OSBPL10: variants seen among roughly 807,000 people sequenced by gnomAD.
The protein encoded by OSBPL10 is oxysterol-binding protein-related protein 10.
Under a neutral mutation model 81.7 loss-of-function variants are expected in OSBPL10, and 49 were observed. The ratio of observed to expected loss-of-function variants is 0.60; its 90% CI spans 0.48 to 0.76. The LOEUF is 0.76. Among genes scored for constraint, OSBPL10 ranks in the 30% least tolerant of loss-of-function variants. The pLI, the probability that OSBPL10 is intolerant of heterozygous loss-of-function variation, is 0.00. For synonymous variants in OSBPL10, 419 were observed against 383.6 expected (o/e 1.09, Z -1.08); for missense variants, 923 against 987.8 (o/e 0.93, Z 0.88).
At chr3:31,776,064 T>C (rs1402292595) in intron 4 of OSBPL10, among the ~76,000 whole-genome samples, 3 of 152,132 alleles carry the variant, frequency 2.0e-5, no homozygotes, top group Non-Finnish European at 4.4e-5. Flanking sequence ...CTGGGTTTCC[T>C]GTGATGGCTG....
intron 4 of OSBPL10, among the ~76,000 whole-genome samples, chr3:31,809,644 C>T (rs746111458): frequency 3.3e-5 from 5 of 152,182 alleles, no homozygotes; most frequent in Admixed American, 6.5e-5. Context: ...GCTGTGCTGG[C>T]CTTACCAGAC....
chr3:31,822,131 G>T lies in OSBPL10; in HGVS notation c.729+7909C>A, dbSNP rs1057098132. On this transcript the variant is annotated intron_variant, in intron 4 of 11. Coordinates refer to ENST00000396556, the MANE Select transcript of OSBPL10 (RefSeq NM_017784.5). ...AACACACATCTCCCTCCACATATCA[G>T]ACTCTGTAAAAGGTTTATTTAAAAT... The T allele has an allele frequency of 3.9e-5, 6 of 152,316 alleles. No individual in the cohort carries two copies. The East Asian group carries it at 1.2e-3, about 29-fold the overall frequency. The allele number at this position is 152,316 out of a possible 1,614,324, so 9.4% of individuals were successfully genotyped here.
At chr3:31,921,326 A>G (rs1696906533) in intron 1 of OSBPL10, among the ~76,000 whole-genome samples, 1 of 152,128 alleles carries the variant, frequency 6.6e-6, no homozygotes, top group South Asian at 2.1e-4. Context: ...GGTTTGTAAT[A>G]CCATTCTCCA....
intron 6 of OSBPL10, among the ~76,000 whole-genome samples, chr3:31,715,335 T>C (rs1696398720): frequency 6.6e-6 from 1 of 152,244 alleles, no homozygotes; most frequent in African/African-American, 2.4e-5. Context: ...AGTGGTGCTC[T>C]AACTTTTGAT....
chr3:32,012,705 G>A (rs1227558068), intron 2 of OSBPL10, among the ~76,000 whole-genome samples: 11 of 151,992 alleles, frequency 7.2e-5, no homozygotes, highest in Non-Finnish European at 1.3e-4. Context: ...CCTATCTCAC[G>A]TGCAGAGACA....
At chr3:31,994,708 G>A (rs1337694566) in intron 2 of OSBPL10, among the ~76,000 whole-genome samples, 1 of 152,148 alleles carries the variant, frequency 6.6e-6, no homozygotes, top group East Asian at 1.9e-4. Context: ...AAAGTGTACT[G>A]CAAACACCAG....
intron 4 of OSBPL10, among the ~76,000 whole-genome samples, chr3:31,785,874 G>A (rs566404320): frequency 1.3e-5 from 2 of 152,156 alleles, no homozygotes; most frequent in African/African-American, 2.4e-5. Flanking sequence ...TTAGGATTCT[G>A]GGAGACTCAA....
chr3:32,027,752 C>T (rs1455011729), intron 2 of OSBPL10, among the ~76,000 whole-genome samples: 1 of 152,214 alleles, frequency 6.6e-6, no homozygotes, highest in African/African-American at 2.4e-5. Flanking sequence ...CCCAAGTCCC[C>T]AGAGTAACTG....
intron 2 of OSBPL10, among the ~76,000 whole-genome samples, chr3:31,999,790 TG>T (rs1408717230): frequency 1.3e-5 from 2 of 152,164 alleles, no homozygotes; most frequent in African/African-American, 4.8e-5. Flanking sequence ...CCCGGTGAAA[TG>T]AGACCTAGAG....
intron 4 of OSBPL10, among the ~76,000 whole-genome samples, chr3:31,797,120 G>C (rs960857972): frequency 1.3e-5 from 2 of 149,146 alleles, no homozygotes; most frequent in Non-Finnish European, 3.0e-5. Context: ...TCAGCCTCTC[G>C]AGTAGCTGGG....
At chr3:31,937,430 A>C (rs1697407888) in intron 1 of OSBPL10, among the ~76,000 whole-genome samples, 1 of 152,206 alleles carries the variant, frequency 6.6e-6, no homozygotes, top group Admixed American at 6.5e-5. Flanking sequence ...ACTTGCCTCA[A>C]GGCAGAAATT....
At position 31,679,580 on chromosome 3, in the gene OSBPL10, A is replaced by G. The variant is rs566826312; in HGVS notation, c.1726+4054T>C. 2.6e-5 allele frequency among the ~76,000 whole-genome samples: 4 copies of G among 152,358 alleles called. No homozygotes were observed. In the South Asian group the frequency reaches 8.3e-4, roughly 32 times the overall value. ...GAAAATGTGTAAGGAATTATCTCGC[A>G]TATGGGGCATAAATACAAAGTGTGA... On this transcript the variant is annotated intron_variant, in intron 8 of 11. Transcript: ENST00000396556.
At chr3:31,696,189 T>C (rs1559420271) in intron 7 of OSBPL10, among the ~76,000 whole-genome samples, 2 of 152,160 alleles carry the variant, frequency 1.3e-5, no homozygotes, top group Non-Finnish European at 2.9e-5. Context: ...CATTATGCTA[T>C]CTCTGGCCAA....
At chr3:31,935,868 G>A (rs1036400749) in intron 1 of OSBPL10, among the ~76,000 whole-genome samples, 2 of 152,096 alleles carry the variant, frequency 1.3e-5, no homozygotes, top group South Asian at 2.1e-4. Flanking sequence ...AATAGGTTGC[G>A]TTTAAGCAAG....
intron 4 of OSBPL10, among the ~76,000 whole-genome samples, chr3:31,819,538 C>T (rs945303534): frequency 2.6e-5 from 4 of 152,154 alleles, no homozygotes; most frequent in Non-Finnish European, 5.9e-5. Flanking sequence ...ACTGCACAGG[C>T]CAGGGGCCAC....
intron 8 of OSBPL10, among the ~76,000 whole-genome samples, chr3:31,680,178 C>T (rs985872702): frequency 6.6e-6 from 1 of 152,168 alleles, no homozygotes; most frequent in Non-Finnish European, 1.5e-5. Flanking sequence ...TCTAGCCCTG[C>T]CCCCACAGAA....
intron 3 of OSBPL10, among the ~76,000 whole-genome samples, chr3:31,837,221 C>T (rs952735656): frequency 6.6e-6 from 1 of 151,262 alleles, no homozygotes; most frequent in African/African-American, 2.4e-5. Flanking sequence ...TTTCTTCTTA[C>T]CCAAAACTTC....
At chr3:32,027,961 A>C (rs1191264237) in intron 2 of OSBPL10, among the ~76,000 whole-genome samples, 3 of 152,206 alleles carry the variant, frequency 2.0e-5, no homozygotes, top group Admixed American at 6.5e-5. Flanking sequence ...TCTCCAATAC[A>C]TTCACTGCCT....
At chr3:31,989,088 T>A (rs755850446) in intron 2 of OSBPL10, 2 of 1,612,462 alleles carry the variant, frequency 1.2e-6, no homozygotes, top group African/African-American at 2.7e-5. Flanking sequence ...TCATGTTACG[T>A]GAGGAAGCAG....
Sources: allele counts gnomAD v4.1 joint callset (sites outside exome capture counted in the v4.1 genomes callset), GRCh38; gene constraint gnomAD v4.1.1; transcripts MANE v1.5; gene names NCBI Gene and HGNC (gene_info 2026-07-23, HGNC 2026-07-21).